Variants in PYCARD observed in about 807,000 individuals in gnomAD.
PYCARD encodes the protein PYD and CARD domain containing.
In PYCARD, 10 loss-of-function variants were observed where a neutral mutation model predicts 10.0. The ratio of observed to expected loss-of-function variants is 1.00; its 90% confidence interval spans 0.62 to 1.69. The LOEUF (loss-of-function observed/expected upper bound fraction) is 1.69, where lower values mean the gene tolerates loss of function less well. PYCARD is among the 40% of genes most tolerant of loss of function. The pLI, the probability that PYCARD is intolerant of heterozygous loss-of-function variation, is 0.00. For missense variants in PYCARD, 239 were observed against 260.2 expected, an observed-to-expected ratio of 0.92 and a Z score of 0.56; for synonymous variants, 121 against 122.3, an observed-to-expected ratio of 0.99 and a Z score of 0.07.
In PYCARD at chr16:31,202,253, G is replaced by C. The variant is rs1034354867; in HGVS notation, c.275-50C>G. On this transcript the variant is annotated intron_variant, in intron 1 of 2. Transcript: ENST00000247470. The surrounding 1 kb of genome is among the most constrained non-coding windows in gnomAD (Gnocchi z 4.5). Reference sequence around the variant, plus strand: ...CCCCTTCCCTTCCCTTCCCGCCGTGGGGCCGGGGTCCCGTTGGTCGGTAGG... The same window carrying C: ...CCCCTTCCCTTCCCTTCCCGCCGTGCGGCCGGGGTCCCGTTGGTCGGTAGG... The C allele has an allele frequency of 1.6e-5, 25 of 1,590,130 alleles. No homozygotes were observed. The highest frequency in any genetic ancestry group is 2.1e-5 in the Non-Finnish European group (25 of 1,175,196).
chr16:31,201,746 C>T lies in PYCARD; in HGVS notation c.427G>A (p.Asp143Asn), dbSNP rs767576322. ...LDALYGKVLTDEQYQAVRAEP... is the reference protein window; with the variant it reads ...LDALYGKVLTNEQYQAVRAEP... ...GCCCGCACTGCCTGGTACTGCTCAT[C>T]CGTCAGGACCTTCCCGTACAGAGCA... The change falls in exon 3 of 3, where the codon GAT becomes AAT. Residue 143 changes from aspartate to asparagine, a missense_variant. Coordinates refer to ENST00000247470, the MANE Select transcript of PYCARD (RefSeq NM_013258.5). 4.3e-6 allele frequency: 7 copies of T among 1,614,150 alleles called. No individual in the cohort carries two copies. The highest frequency in any genetic ancestry group is 5.1e-6 in the Non-Finnish European group (6 of 1,180,020).
chr16:31,202,403 C>T lies in PYCARD; in HGVS notation c.274+14G>A, dbSNP rs373795336. 831 of 1,526,108 alleles carry T rather than the reference C, an allele frequency of 5.4e-4. No homozygotes were observed. The highest frequency in any genetic ancestry group is 6.7e-4 in the Non-Finnish European group (766 of 1,136,670). 94.5% of individuals were successfully genotyped at this position (1,526,108 alleles called of 1,614,324 possible). On this transcript the variant is annotated intron_variant, in intron 1 of 2. Coordinates refer to ENST00000247470, the MANE Select transcript of PYCARD (RefSeq NM_013258.5). This position sits in a 1 kb window ranked among gnomAD's most constrained non-coding sequence, Gnocchi z 4.5. ...AGGGGAAAGACGGGGTGGAGGGGAA[C>T]GGGGGCGGCTCACCCTGGTGCGTGG...
Position 31,202,072 on chromosome 16 carries a change from C to T in PYCARD, c.331+75G>A, listed in dbSNP as rs2079447220. The T allele has an allele frequency of 6.4e-7, 1 of 1,551,424 alleles. No individual in the cohort carries two copies. The highest frequency in any genetic ancestry group is 8.7e-7 in the Non-Finnish European group (1 of 1,151,142). ...CAAGCCGTGCCTGCCCTGCCCTGCC[C>T]TGCCCTGGTTGCGGGAGCACAGATG... On this transcript the variant is annotated intron_variant, in intron 2 of 2. Transcript: ENST00000247470. The surrounding 1 kb of genome is among the most constrained non-coding windows in gnomAD (Gnocchi z 4.5).
In PYCARD at chr16:31,201,827, C is replaced by T. The variant is rs766013636; in HGVS notation, c.346G>A (p.Asp116Asn). The change falls in exon 3 of 3, where the codon GAC (aspartate) becomes AAC (asparagine). Residue 116 changes from aspartate (D) to asparagine (N), a missense_variant. Physicochemically the swap from Asp to Asn is conservative, Grantham distance 23 (BLOSUM62 1). Coordinates refer to ENST00000247470, the MANE Select transcript of PYCARD (RefSeq NM_013258.5). Reference protein sequence around the residue: ...SAAKPGLHFIDQHRAALIARV... With the variant: ...SAAKPGLHFINQHRAALIARV... ...GCGATAAGCGCAGCCCGGTGCTGGTCTATAAAGTGCAGGCCTGGGGGTGGG... is the reference window on the plus strand; with the variant it reads ...GCGATAAGCGCAGCCCGGTGCTGGTTTATAAAGTGCAGGCCTGGGGGTGGG... 1 of 1,614,094 alleles carries T rather than the reference C, an allele frequency of 6.2e-7. No individual in the cohort carries two copies. Among genetic ancestry groups the T allele is most frequent in the Non-Finnish European group, 8.5e-7 (1 of 1,180,028 alleles).
In PYCARD at chr16:31,202,567, C is replaced by T; in HGVS notation, c.124G>A (p.Gly42Ser). ...LREGYGRIPR[G>S]ALLSMDALDL... Reference sequence around the variant, plus strand: ...AAGGCGTCCATGGACAGCAGCGCGCCCCGCGGGATGCGCCCGTAGCCCTCG... The same window carrying T: ...AAGGCGTCCATGGACAGCAGCGCGCTCCGCGGGATGCGCCCGTAGCCCTCG... Residue 42 changes from glycine (G) to serine (S), a missense_variant, in exon 1 of 3, where the codon GGC (glycine) becomes AGC (serine). Gly to Ser is a moderately conservative substitution (Grantham distance 56). Transcript: ENST00000247470. The surrounding 1 kb of genome is among the most constrained non-coding windows in gnomAD (Gnocchi z 4.5). 6.2e-7 allele frequency: 1 copy of T among 1,612,886 alleles called. No individual in the cohort carries two copies. The highest frequency in any genetic ancestry group is 8.5e-7 in the Non-Finnish European group (1 of 1,179,770).
chr16:31,202,266 G>C lies in PYCARD; in HGVS notation c.275-63C>G, dbSNP rs1362203501. ...CTTCCCGCCGTGGGGCCGGGGTCCC[G>C]TTGGTCGGTAGGCCAAGCGTGGGGA... is the stretch of plus-strand genomic sequence containing the variant. On this transcript the variant is annotated intron_variant, in intron 1 of 2. Coordinates refer to ENST00000247470, the MANE Select transcript of PYCARD (RefSeq NM_013258.5). This position sits in a 1 kb window ranked among gnomAD's most constrained non-coding sequence, Gnocchi z 4.5. The C allele has an allele frequency of 1.3e-6, 2 of 1,580,112 alleles. No individual in the cohort carries two copies. Among genetic ancestry groups the C allele is most frequent in the Admixed American group, 1.8e-5 (1 of 56,632 alleles).
intron 2 of PYCARD, 144 bp from the exon 3 acceptor site, chr16:31,201,985 G>A (rs1238265008): frequency 6.9e-7 from 1 of 1,451,998 alleles, no homozygotes; most frequent in Non-Finnish European, 9.2e-7. Flanking sequence ...AGTGGGATGA[G>A]GGTAATATTG....
rs748995329 is a variant in PYCARD, at chr16:31,202,722, C to T, written c.-32G>A. On this transcript the variant is annotated 5_prime_UTR_variant, in exon 1 of 3. Coordinates refer to ENST00000247470, the MANE Select transcript of PYCARD (RefSeq NM_013258.5). The surrounding 1 kb of genome is among the most constrained non-coding windows in gnomAD (Gnocchi z 4.5). ...AGGATCCCCGGCCGCTGCCGCCGCT[C>T]ACCCCGCTGCAGCCGCCGACCAGGA... 4.6e-6 allele frequency: 7 copies of T among 1,521,354 alleles called. No homozygotes were observed. The East Asian group carries it at 1.6e-4, about 35-fold the overall frequency. The allele number at this position is 1,521,354 out of a possible 1,614,324, so 94.2% of individuals were successfully genotyped here. A position where few individuals can be genotyped will look rare whatever the true frequency, so the allele number is the denominator to read the frequency against.
In PYCARD at chr16:31,201,848, G is replaced by A. The variant is rs1466832385; in HGVS notation, c.332-7C>T. On this transcript the variant is annotated splice_region_variant and splice_polypyrimidine_tract_variant and intron_variant, in intron 2 of 2. Coordinates refer to ENST00000247470, the MANE Select transcript of PYCARD (RefSeq NM_013258.5). ...TGGTCTATAAAGTGCAGGCCTGGGG[G>A]TGGGAGGAGAACATGAGCCAGCAGC... The A allele has an allele frequency of 6.2e-7, 1 of 1,612,872 alleles. No homozygotes were observed. Among genetic ancestry groups the A allele is most frequent in the Non-Finnish European group, 8.5e-7 (1 of 1,179,296 alleles).
Position 31,201,850 on chromosome 16 carries a change from G to A in PYCARD, c.332-9C>T, listed in dbSNP as rs2079443883. 1 of 1,612,622 alleles carries A rather than the reference G, an allele frequency of 6.2e-7. No individual in the cohort carries two copies. Among genetic ancestry groups the A allele is most frequent in the African/African-American group, 1.3e-5 (1 of 74,914 alleles). On this transcript the variant is annotated splice_polypyrimidine_tract_variant and intron_variant, in intron 2 of 2. Coordinates refer to ENST00000247470, the MANE Select transcript of PYCARD (RefSeq NM_013258.5). ...GTCTATAAAGTGCAGGCCTGGGGGTGGGAGGAGAACATGAGCCAGCAGCCA... is the reference window on the plus strand; with the variant it reads ...GTCTATAAAGTGCAGGCCTGGGGGTAGGAGGAGAACATGAGCCAGCAGCCA...
chr16:31,201,966 C>A lies in PYCARD; in HGVS notation c.332-125G>T, dbSNP rs755642196. ...GGCTCCAGGGGGCGGCCACCAGGAC[C>A]CCACATGCAGTGGGATGAGGGTAAT... On this transcript the variant is annotated intron_variant, in intron 2 of 2. Coordinates refer to ENST00000247470, the MANE Select transcript of PYCARD (RefSeq NM_013258.5). 5 of 1,485,402 alleles carry A rather than the reference C, an allele frequency of 3.4e-6. No individual in the cohort carries two copies. In the Admixed American group the frequency reaches 6.1e-5, roughly 18 times the overall value. 92.0% of individuals were successfully genotyped at this position (1,485,402 alleles called of 1,614,324 possible).
chr16:31,201,862 T>G, intron 2 of PYCARD, 21 bp from the exon 3 acceptor site: 1 of 1,610,752 alleles, frequency 6.2e-7, no homozygotes, highest in East Asian at 2.2e-5. Context: ...GAGGAGAACA[T>G]GAGCCAGCAG....
rs1375366928 is a variant in PYCARD at position 31,202,745 on chromosome 16, G to A, written c.-55C>T. On this transcript the variant is annotated 5_prime_UTR_variant, in exon 1 of 3. Transcript: ENST00000247470. This position sits in a 1 kb window ranked among gnomAD's most constrained non-coding sequence, Gnocchi z 4.5. Reference sequence around the variant, plus strand: ...CTCACCCCGCTGCAGCCGCCGACCAGGAGGAAGTCGGCTCCGGGGCGGAAC... The same window carrying A: ...CTCACCCCGCTGCAGCCGCCGACCAAGAGGAAGTCGGCTCCGGGGCGGAAC... The A allele has an allele frequency of 6.6e-5, 99 of 1,507,098 alleles. No individual in the cohort carries two copies. Among genetic ancestry groups the A allele is most frequent in the Non-Finnish European group, 8.3e-5 (94 of 1,133,178 alleles). 93.4% of individuals were successfully genotyped at this position (1,507,098 alleles called of 1,614,324 possible). A position where few individuals can be genotyped will look rare whatever the true frequency, so the allele number is the denominator to read the frequency against.
chr16:31,201,878 G>T (rs765210901), intron 2 of PYCARD, 37 bp from the exon 3 acceptor site: 13 of 1,607,658 alleles, frequency 8.1e-6, no homozygotes, highest in South Asian at 1.1e-5. Flanking sequence ...AGCAGCCAGG[G>T]TGTGGGGCCT....
In PYCARD at chr16:31,202,365, C is replaced by T. The variant is rs1244124699; in HGVS notation, c.274+52G>A. The T allele has an allele frequency of 9.4e-6, 14 of 1,483,748 alleles. No homozygotes were observed. Among genetic ancestry groups the T allele is most frequent in the Non-Finnish European group, 9.0e-6 (10 of 1,111,902 alleles). The allele number at this position is 1,483,748 out of a possible 1,614,324, so 91.9% of individuals were successfully genotyped here. ...AGCGGAAGAGCCCGCGGGGTAAGCG[C>T]TGGTGTGGGTGGAGGGGAAAGACGG... On this transcript the variant is annotated intron_variant, in intron 1 of 2. Coordinates refer to ENST00000247470, the MANE Select transcript of PYCARD (RefSeq NM_013258.5). The surrounding 1 kb of genome is among the most constrained non-coding windows in gnomAD (Gnocchi z 4.5).
Position 31,202,101 on chromosome 16 carries a change from G to A in PYCARD, c.331+46C>T. ...CCTGGTTGCGGGAGCACAGATGCAGGCTGTGCAGGAGTGCGGTGGGGCCGG... is the reference window on the plus strand; with the variant it reads ...CCTGGTTGCGGGAGCACAGATGCAGACTGTGCAGGAGTGCGGTGGGGCCGG... On this transcript the variant is annotated intron_variant, in intron 2 of 2. Coordinates refer to ENST00000247470, the MANE Select transcript of PYCARD (RefSeq NM_013258.5). This position sits in a 1 kb window ranked among gnomAD's most constrained non-coding sequence, Gnocchi z 4.5. 2 of 1,588,226 alleles carry A rather than the reference G, an allele frequency of 1.3e-6. No individual in the cohort carries two copies. The highest frequency in any genetic ancestry group is 2.3e-5 in the East Asian group (1 of 44,270).
Position 31,202,603 on chromosome 16 carries a change from C to A in PYCARD, c.88G>T (p.Val30Leu). Residue 30 changes from valine to leucine, a missense_variant, in exon 1 of 3, where the codon GTG (valine) becomes TTG (leucine). Physicochemically the swap from Val to Leu is conservative, Grantham distance 32. Transcript: ENST00000247470. This position sits in a 1 kb window ranked among gnomAD's most constrained non-coding sequence, Gnocchi z 4.5. The part of the protein sequence containing the change: ...LKKFKLKLLS[V>L]PLREGYGRIP... ...CGCCCGTAGCCCTCGCGCAGCGGCA[C>A]CGACAGCAGCTTCAGCTTGAACTTC... 3 of 1,612,950 alleles carry A rather than the reference C, an allele frequency of 1.9e-6. No homozygotes were observed. The highest frequency in any genetic ancestry group is 2.5e-6 in the Non-Finnish European group (3 of 1,179,664).
chr16:31,202,126 G>T lies in PYCARD; in HGVS notation c.331+21C>A, dbSNP rs1375512168. 2 of 1,604,078 alleles carry T rather than the reference G, an allele frequency of 1.2e-6. No homozygotes were observed. Among genetic ancestry groups the T allele is most frequent in the Middle Eastern group, 2.0e-4 (1 of 5,016 alleles). Reference sequence around the variant, plus strand: ...GCTGTGCAGGAGTGCGGTGGGGCCGGGCTGGGTGTGGAGGCCTCACCTGGC... The same window carrying T: ...GCTGTGCAGGAGTGCGGTGGGGCCGTGCTGGGTGTGGAGGCCTCACCTGGC... On this transcript the variant is annotated intron_variant, in intron 2 of 2. Transcript: ENST00000247470. This position sits in a 1 kb window ranked among gnomAD's most constrained non-coding sequence, Gnocchi z 4.5.
In PYCARD at chr16:31,201,492, C is replaced by T. The variant is rs1343721158; in HGVS notation, c.*93G>A. 2.6e-6 allele frequency: 4 copies of T among 1,523,536 alleles called. No homozygotes were observed. The highest frequency in any genetic ancestry group is 1.8e-4 in the Middle Eastern group (1 of 5,690). 94.4% of individuals were successfully genotyped at this position (1,523,536 alleles called of 1,614,324 possible). Reference sequence around the variant, plus strand: ...AAGCAGGAAAACACACAAGTTCAAGCTGGCTTTTCGTATATTGTGTATAAA... The same window carrying T: ...AAGCAGGAAAACACACAAGTTCAAGTTGGCTTTTCGTATATTGTGTATAAA... On this transcript the variant is annotated 3_prime_UTR_variant, in exon 3 of 3. Transcript: ENST00000247470.
Sources: gnomAD v4.1 joint callset for allele counts on GRCh38, gnomAD v4.1.1 for gene constraint, Gnocchi (gnomAD v3.1) non-coding constraint, MANE v1.5 for transcripts, NCBI Gene and HGNC (gene_info 2026-07-23, HGNC 2026-07-21) for gene names.